The following GOLGA3 variants were observed in gnomAD, a reference collection of about 807,000 sequenced individuals.
GOLGA3 encodes the protein golgin A3.
In GOLGA3, 75 loss-of-function variants were observed where a neutral mutation model predicts 169.4. The observed-to-expected ratio is 0.44, with a 90% CI of 0.37 to 0.54. The LOEUF (loss-of-function observed/expected upper bound fraction) is 0.54. GOLGA3 is among the 20% of genes least tolerant of loss of function. The probability of loss-of-function intolerance (pLI) is 0.00; values close to 1 mark genes in which losing one functional copy is unlikely to be tolerated. For synonymous variants in GOLGA3, 824 were observed against 822.4 expected, an observed-to-expected ratio of 1.00 and a Z score of -0.03; for missense variants, 1,899 against 1,930.0, an observed-to-expected ratio of 0.98 and a Z score of 0.30.
chr12:132,786,271 T>C lies in GOLGA3; in HGVS notation c.3123+68A>G, dbSNP rs1019828845. 1.5e-5 allele frequency: 16 copies of C among 1,100,452 alleles called. No homozygotes were observed. In the Admixed American group the frequency reaches 3.4e-4, roughly 24 times the overall value. 68.2% of individuals were successfully genotyped at this position (1,100,452 alleles called of 1,614,324 possible). ...CCGCTAGGCTTTAGGGGACAACTGC[T>C]GATGGAGAGCCCTTCCCTGCACTGA... On this transcript the variant is annotated intron_variant, in intron 15 of 23. Transcript: ENST00000450791.
chr12:132,822,967 T>C (rs56362718), intron 1 of GOLGA3, among the ~76,000 whole-genome samples: 30,852 of 152,164 alleles, frequency 0.2, 4,071 homozygotes, highest in Non-Finnish European at 0.3. Context: ...GGCCCCCCTC[T>C]CAGCTAGTGA....
At chr12:132,775,842 G>C (rs866368247) in intron 21 of GOLGA3, among the ~76,000 whole-genome samples, 1 of 152,218 alleles carries the variant, frequency 6.6e-6, no homozygotes, top group Admixed American at 6.5e-5. Flanking sequence ...AGTCAAGACC[G>C]AACCCTGAGT....
chr12:132,822,732 C>T (rs1950267430), intron 1 of GOLGA3, among the ~76,000 whole-genome samples: 1 of 152,100 alleles, frequency 6.6e-6, no homozygotes, highest in South Asian at 2.1e-4. Context: ...ACCAGCCTGG[C>T]CAACATGGTG....
In GOLGA3 at chr12:132,786,769, C is replaced by G; in HGVS notation, c.2830G>C (p.Glu944Gln). ...THLQSLQFDKEQMVAVTEANE... is the reference protein window; with the variant it reads ...THLQSLQFDKQQMVAVTEANE... ...GCCTCTGTGACCGCGACCATCTGCTCCTTATCGAACTGCAACGACTGTGGA... is the reference window on the plus strand; with the variant it reads ...GCCTCTGTGACCGCGACCATCTGCTGCTTATCGAACTGCAACGACTGTGGA... The change falls in exon 14 of 24, where the codon GAG (glutamate) becomes CAG (glutamine). Residue 944 changes from glutamate (E) to glutamine (Q), a missense_variant. Glu to Gln is a conservative substitution (Grantham distance 29, BLOSUM62 2). Transcript: ENST00000450791. The G allele has an allele frequency of 1.2e-6, 2 of 1,612,764 alleles. No individual in the cohort carries two copies. Among genetic ancestry groups the G allele is most frequent in the East Asian group, 4.5e-5 (2 of 44,854 alleles).
Position 132,826,269 on chromosome 12 carries a change from G to A in GOLGA3, c.-184+2534C>T, listed in dbSNP as rs996197995. On this transcript the variant is annotated intron_variant, in intron 1 of 23. Coordinates refer to ENST00000450791, the MANE Select transcript of GOLGA3 (RefSeq NM_001389683.1). Reference sequence around the variant, plus strand: ...AAAAAAAAAAAAAAAGAAACTGGAAGAGCAGCATCACGGCCACGGCCCAGA... The same window carrying A: ...AAAAAAAAAAAAAAAGAAACTGGAAAAGCAGCATCACGGCCACGGCCCAGA... 7.0e-6 allele frequency: 8 copies of A among 1,141,146 alleles called. No individual in the cohort carries two copies. In the Admixed American group the frequency reaches 1.1e-4, roughly 15 times the overall value. 70.7% of individuals were successfully genotyped at this position (1,141,146 alleles called of 1,614,324 possible). A position where few individuals can be genotyped will look rare whatever the true frequency, so the allele number is the denominator to read the frequency against.
At chr12:132,800,720 G>T (rs1418888110) in intron 8 of GOLGA3, among the ~76,000 whole-genome samples, 1 of 152,176 alleles carries the variant, frequency 6.6e-6, no homozygotes, top group African/African-American at 2.4e-5. Flanking sequence ...CAACACTTTG[G>T]GAGGCTGAGG....
chr12:132,803,192 C>T (rs1436782636), intron 7 of GOLGA3, among the ~76,000 whole-genome samples: 2 of 152,210 alleles, frequency 1.3e-5, no homozygotes, highest in African/African-American at 4.8e-5. Context: ...CTCCTGCCTG[C>T]AGCCCGGCTG....
rs952601073 is a variant in GOLGA3 at position 132,772,871 on chromosome 12, C to T, written c.*234G>A. On this transcript the variant is annotated 3_prime_UTR_variant, in exon 24 of 24. Coordinates refer to ENST00000450791, the MANE Select transcript of GOLGA3 (RefSeq NM_001389683.1). Reference sequence around the variant, plus strand: ...CCCTTCAGACACGTTCAAAGCTCCTCGCCGAGAGCCTATCAGGCTTTTAAG... The same window carrying T: ...CCCTTCAGACACGTTCAAAGCTCCTTGCCGAGAGCCTATCAGGCTTTTAAG... 5 of 452,282 alleles carry T rather than the reference C, an allele frequency of 1.1e-5. No individual in the cohort carries two copies. The highest frequency in any genetic ancestry group is 4.1e-5 in the African/African-American group (2 of 48,752). 28.0% of individuals were successfully genotyped at this position (452,282 alleles called of 1,614,324 possible).
chr12:132,810,988 G>A (rs141115282), intron 4 of GOLGA3, among the ~76,000 whole-genome samples: 2,666 of 152,254 alleles, frequency 0.018, 35 homozygotes, highest in Non-Finnish European at 0.025. Flanking sequence ...CAGAAATAAC[G>A]GCATAAGCTG....
chr12:132,792,995 CACAG>C (rs1354192460), intron 11 of GOLGA3, among the ~76,000 whole-genome samples: 1 of 133,098 alleles, frequency 7.5e-6, no homozygotes, highest in African/African-American at 2.8e-5. Context: ...GAGGGCTCCA[CACAG>C]ACAGACCGCA....
At chr12:132,807,638 C>T (rs755841229) in intron 5 of GOLGA3, among the ~76,000 whole-genome samples, 1 of 152,180 alleles carries the variant, frequency 6.6e-6, no homozygotes, top group Non-Finnish European at 1.5e-5. Context: ...ATTAAATGTT[C>T]ATGTCAAGAC....
chr12:132,821,597 T>C (rs1950215633), intron 2 of GOLGA3, among the ~76,000 whole-genome samples: 1 of 152,040 alleles, frequency 6.6e-6, no homozygotes, highest in South Asian at 2.1e-4. Flanking sequence ...ACACCTGTAA[T>C]CCCAGCACTT....
intron 15 of GOLGA3, 100 bp from the exon 16 acceptor site, chr12:132,784,407 A>C: frequency 1.0e-6 from 1 of 962,696 alleles, no homozygotes; most frequent in Non-Finnish European, 1.6e-6. Flanking sequence ...GGCTGCACAC[A>C]CCAGACACCA....
Position 132,775,955 on chromosome 12 carries a change from G to A in GOLGA3, c.3979-650C>T, listed in dbSNP as rs111774545. 5.1e-4 allele frequency among the ~76,000 whole-genome samples: 78 copies of A among 152,362 alleles called. 1 individual carries two copies. The highest frequency in any genetic ancestry group is 1.9e-3 in the African/African-American group (77 of 41,588). ...GTTCTTGGTCCGTGACACACAGCGC[G>A]GCCAAGGGATCGGAGCCGGCCCAGG... is the stretch of plus-strand genomic sequence containing the variant. On this transcript the variant is annotated intron_variant, in intron 21 of 23. Coordinates refer to ENST00000450791, the MANE Select transcript of GOLGA3 (RefSeq NM_001389683.1).
At position 132,772,940 on chromosome 12, in the gene GOLGA3, T is replaced by C. The variant is rs2044977880; in HGVS notation, c.*165A>G. ...AAAAGCTAATTGTGATCTTCGAATG[T>C]TTTTCTAGTCCTTGGCTCTCATTCT... On this transcript the variant is annotated 3_prime_UTR_variant, in exon 24 of 24. Coordinates refer to ENST00000450791, the MANE Select transcript of GOLGA3 (RefSeq NM_001389683.1). 8 of 547,904 alleles carry C rather than the reference T, an allele frequency of 1.5e-5. 1 individual carries two copies. The Admixed American group carries it at 2.1e-4, about 15-fold the overall frequency. The allele number at this position is 547,904 out of a possible 1,614,324, so 33.9% of individuals were successfully genotyped here. A position where few individuals can be genotyped will look rare whatever the true frequency, so the allele number is the denominator to read the frequency against.
intron 9 of GOLGA3, 48 bp from the exon 10 acceptor site, chr12:132,796,748 G>C (rs1231296033): frequency 5.1e-6 from 8 of 1,578,304 alleles, no homozygotes; most frequent in Non-Finnish European, 6.9e-6. Flanking sequence ...CCTTAATAGT[G>C]AACAGCAGCC....
At chr12:132,827,225 C>G (rs1219595566) in intron 1 of GOLGA3, among the ~76,000 whole-genome samples, 1 of 152,198 alleles carries the variant, frequency 6.6e-6, no homozygotes, top group Non-Finnish European at 1.5e-5. Context: ...ACGATTTCCT[C>G]AGGAAAAGAG....
rs550086366 is a variant in GOLGA3 at position 132,822,077 on chromosome 12, T to C, written c.52A>G (p.Ser18Gly). The C allele has an allele frequency of 1.1e-5, 18 of 1,607,254 alleles. No individual in the cohort carries two copies. The highest frequency in any genetic ancestry group is 1.1e-4 in the African/African-American group (8 of 74,306). Residue 18 changes from serine (S) to glycine (G), a missense_variant, in exon 2 of 24, where the codon AGT becomes GGT. Ser to Gly is a moderately conservative substitution (Grantham distance 56, BLOSUM62 0). Transcript: ENST00000450791. The stretch of plus-strand genomic sequence containing the variant: ...GCCTCGGGGAGAGACGAGGGGCCAC[T>C]GTGGGATCTGTCCTCCTGGAGGCCA... ...QDGLQEDRSH[S>G]GPSSLPEAPL...
In GOLGA3 at chr12:132,770,340, T is replaced by G. The variant is rs2044844800; in HGVS notation, c.*2765A>C. The stretch of plus-strand genomic sequence containing the variant: ...CAGATCCAGAAGCACAAGCCGTGCA[T>G]GAAAACACCAAAAGACTCACTGCAG... On this transcript the variant is annotated 3_prime_UTR_variant, in exon 24 of 24. Transcript: ENST00000450791. 1 of 149,998 alleles carries G rather than the reference T, an allele frequency of 6.7e-6. No individual in the cohort carries two copies. Among genetic ancestry groups the G allele is most frequent in the Non-Finnish European group, 1.5e-5 (1 of 67,982 alleles). 9.3% of individuals were successfully genotyped at this position (149,998 alleles called of 1,614,324 possible).
Sources: gnomAD v4.1 joint callset for allele counts (sites outside exome capture counted in the v4.1 genomes callset) on GRCh38, gnomAD v4.1.1 for gene constraint, MANE v1.5 for transcripts, NCBI Gene and HGNC (gene_info 2026-07-23, HGNC 2026-07-21) for gene names.